Variants in SGCZ observed in about 807,000 individuals in gnomAD.
SGCZ encodes zeta-sarcoglycan.
A neutral mutation model predicts 41.3 loss-of-function variants in SGCZ; 40 were observed. The ratio of observed to expected loss-of-function variants is 0.97; its 90% CI spans 0.75 to 1.26. The LOEUF is 1.26. Ranked by LOEUF, SGCZ falls within the 50% of genes most tolerant of loss-of-function variation. The probability of loss-of-function intolerance (pLI) is 0.00; values close to 1 mark genes in which losing one functional copy is unlikely to be tolerated. For missense variants in SGCZ, 552 were observed against 369.8 expected (o/e 1.49, Z -4.04); for synonymous variants, 206 against 137.5 (o/e 1.50, Z -3.49).
At chr8:14,520,040 A>G (rs1046554804) in intron 2 of SGCZ, among the ~76,000 whole-genome samples, 1 of 152,148 alleles carries the variant, frequency 6.6e-6, no homozygotes, top group South Asian at 2.1e-4. Flanking sequence ...TTTAACCATG[A>G]GAAATATATT....
rs545253747 is a variant in SGCZ at position 14,300,472 on chromosome 8, G to A, written c.336+23631C>T. 7.2e-5 allele frequency among the ~76,000 whole-genome samples: 11 copies of A among 151,992 alleles called. No homozygotes were observed. The South Asian group carries it at 1.0e-3, about 14-fold the overall frequency. ...AATACAGTATAGTTCATATTCCCAG[G>A]TATGCTACTTACTCTATGACCTTGG... On this transcript the variant is annotated intron_variant, in intron 3 of 7. Transcript: ENST00000382080.
At chr8:14,405,395 T>C (rs914772454) in intron 2 of SGCZ, among the ~76,000 whole-genome samples, 8 of 152,350 alleles carry the variant, frequency 5.3e-5, no homozygotes, top group African/African-American at 1.9e-4. Flanking sequence ...TAAACTAAAA[T>C]GCACTCAGAA....
At chr8:14,251,227 C>CA (rs562622138) in intron 3 of SGCZ, among the ~76,000 whole-genome samples, 379 of 151,734 alleles carry the variant, frequency 2.5e-3, no homozygotes, top group Non-Finnish European at 2.2e-3. Flanking sequence ...GACTCTATCT[C>CA]AAAAAAAATG....
intron 1 of SGCZ, among the ~76,000 whole-genome samples, chr8:14,790,222 C>T (rs550773103): frequency 1.2e-4 from 18 of 152,218 alleles, no homozygotes; most frequent in South Asian, 8.3e-4. Context: ...ATCATTTACA[C>T]GACATAGATA....
intron 3 of SGCZ, among the ~76,000 whole-genome samples, chr8:14,239,488 T>G (rs1029080254): frequency 1.3e-5 from 2 of 152,184 alleles, no homozygotes; most frequent in African/African-American, 4.8e-5. Flanking sequence ...GAGTTTGGTT[T>G]AGAGTTTTAA....
chr8:14,609,279 T>G (rs953468125), intron 1 of SGCZ, among the ~76,000 whole-genome samples: 3 of 152,146 alleles, frequency 2.0e-5, no homozygotes, highest in African/African-American at 7.2e-5. Flanking sequence ...ATTCTTTGAT[T>G]CGTTATTATA....
intron 1 of SGCZ, among the ~76,000 whole-genome samples, chr8:14,724,856 G>A (rs1396593070): frequency 3.3e-5 from 5 of 151,984 alleles, no homozygotes; most frequent in Admixed American, 1.3e-4. Flanking sequence ...AAACATTTCA[G>A]TTTCACTCTT....
intron 1 of SGCZ, among the ~76,000 whole-genome samples, chr8:14,955,536 T>C (rs1800764291): frequency 6.6e-6 from 1 of 152,216 alleles, no homozygotes. Context: ...ATGACACTCA[T>C]GCTGCTCCAT....
Position 14,779,291 on chromosome 8 carries a change from C to T in SGCZ, c.40-224365G>A, listed in dbSNP as rs911820233. ...GTCTCTTGATTAACTTGCACTGCGG[C>T]AAATCAGTTGCCATGTTATGAGAAC... On this transcript the variant is annotated intron_variant, in intron 1 of 7. Transcript: ENST00000382080. Among the ~76,000 whole-genome samples the T allele has an allele frequency of 3.3e-5, 5 of 152,170 alleles. 1 individual carries two copies. The highest frequency in any genetic ancestry group is 2.0e-4 in the Admixed American group (3 of 15,282).
chr8:14,498,912 T>C (rs7012907), intron 2 of SGCZ, among the ~76,000 whole-genome samples: 5,127 of 152,126 alleles, frequency 0.034, 277 homozygotes, highest in African/African-American at 0.12. Context: ...AGTCATTTTT[T>C]TTTTTCATGA....
intron 2 of SGCZ, among the ~76,000 whole-genome samples, chr8:14,388,457 G>C (rs917785564): frequency 1.3e-5 from 2 of 152,040 alleles, no homozygotes; most frequent in Non-Finnish European, 2.9e-5. Flanking sequence ...CTGGAAAATG[G>C]TGAGAGATTA....
At chr8:14,641,501 C>G (rs968965673) in intron 1 of SGCZ, among the ~76,000 whole-genome samples, 2 of 151,560 alleles carry the variant, frequency 1.3e-5, no homozygotes, top group African/African-American at 4.8e-5. Context: ...AATGTCAATC[C>G]CTTGTTTAAA....
chr8:14,969,424 T>C (rs1801222995), intron 1 of SGCZ, among the ~76,000 whole-genome samples: 1 of 152,022 alleles, frequency 6.6e-6, no homozygotes, highest in Admixed American at 6.6e-5. Flanking sequence ...TTTGGAAAGC[T>C]TCGACATATC....
At chr8:14,965,957 G>C (rs1201037796) in intron 1 of SGCZ, among the ~76,000 whole-genome samples, 3 of 152,088 alleles carry the variant, frequency 2.0e-5, no homozygotes, top group Non-Finnish European at 2.9e-5. Flanking sequence ...AGATTGTTTA[G>C]ATTTAAAAAC....
chr8:14,948,888 T>C (rs1300162577), intron 1 of SGCZ, among the ~76,000 whole-genome samples: 1 of 152,000 alleles, frequency 6.6e-6, no homozygotes, highest in Non-Finnish European at 1.5e-5. Flanking sequence ...TCTCTCTCTC[T>C]CTCTCTCTCA....
intron 1 of SGCZ, among the ~76,000 whole-genome samples, chr8:14,740,701 AT>A (rs1799176546): frequency 6.6e-6 from 1 of 151,982 alleles, no homozygotes; most frequent in Non-Finnish European, 1.5e-5. Context: ...CTTATGCCAT[AT>A]TTCAGATCAC....
Position 14,091,258 on chromosome 8 carries a change from C to T in SGCZ, c.745-621G>A, listed in dbSNP as rs200897944. Among the ~76,000 whole-genome samples, 4 of 151,570 alleles carry T rather than the reference C, an allele frequency of 2.6e-5. No homozygotes were observed. The East Asian group carries it at 7.8e-4, about 30-fold the overall frequency. ...TCATTGATGGACATTTGGGTTGGTC[C>T]CAAATCCCTGCTATTGTGAAGAGTG... is the stretch of plus-strand genomic sequence containing the variant. On this transcript the variant is annotated intron_variant, in intron 7 of 7. Transcript: ENST00000382080.
chr8:15,031,620 TCC>T (rs1803665517), intron 1 of SGCZ, among the ~76,000 whole-genome samples: 1 of 152,108 alleles, frequency 6.6e-6, no homozygotes, highest in Admixed American at 6.6e-5. Context: ...TAGTGAGGCT[TCC>T]CACACTGGCA....
intron 2 of SGCZ, among the ~76,000 whole-genome samples, chr8:14,448,267 G>A (rs1284877561): frequency 2.0e-5 from 3 of 152,170 alleles, no homozygotes; most frequent in Non-Finnish European, 4.4e-5. Flanking sequence ...CGTCTAAAAT[G>A]AGGATACATA....
Sources: gnomAD v4.1 joint callset for allele counts (sites outside exome capture counted in the v4.1 genomes callset) on GRCh38, gnomAD v4.1.1 for gene constraint, MANE v1.5 for transcripts, NCBI Gene and HGNC (gene_info 2026-07-23, HGNC 2026-07-21) for gene names.